The following CAMKMT variants were observed in gnomAD, a reference collection of about 807,000 sequenced individuals.
CAMKMT encodes CaM KMT.
A neutral mutation model predicts 48.0 loss-of-function variants in CAMKMT; 53 were observed. The ratio of observed to expected loss-of-function variants is 1.10; its 90% CI spans 0.89 to 1.39. The LOEUF (loss-of-function observed/expected upper bound fraction) is 1.39, where lower values mean the gene tolerates loss of function less well. Among genes scored for constraint, CAMKMT ranks in the 40% most tolerant of loss-of-function variants. The probability of loss-of-function intolerance (pLI) is 0.00; values close to 1 mark genes in which losing one functional copy is unlikely to be tolerated. For missense variants in CAMKMT, 428 were observed against 402.7 expected (o/e 1.06, Z -0.54); for synonymous variants, 165 against 152.3 (o/e 1.08, Z -0.61).
intron 3 of CAMKMT, among the ~76,000 whole-genome samples, chr2:44,586,126 G>A (rs1039726626): frequency 6.6e-6 from 1 of 152,188 alleles, no homozygotes; most frequent in Non-Finnish European, 1.5e-5. Flanking sequence ...ATTCTGTTTG[G>A]AAACAGAATA....
Position 44,584,768 on chromosome 2 carries a change from T to C in CAMKMT, c.377-119515T>C, listed in dbSNP as rs561111522. On this transcript the variant is annotated intron_variant, in intron 3 of 10. Transcript: ENST00000378494. ...GTCTGCATGAAATAATTAAAAAAAA[T>C]AGTAGGCCGGGTGCGGTGGCTCACA... Among the ~76,000 whole-genome samples, 20 of 152,020 alleles carry C rather than the reference T, an allele frequency of 1.3e-4. No individual in the cohort carries two copies. In the East Asian group the frequency reaches 2.9e-3, roughly 22 times the overall value.
intron 3 of CAMKMT, among the ~76,000 whole-genome samples, chr2:44,702,034 A>T (rs918876453): frequency 1.3e-5 from 2 of 152,024 alleles, no homozygotes; most frequent in African/African-American, 4.8e-5. Context: ...ATTTTTTGAG[A>T]CAATTATAAA....
chr2:44,600,590 C>T (rs1202561378), intron 3 of CAMKMT, among the ~76,000 whole-genome samples: 1 of 152,034 alleles, frequency 6.6e-6, no homozygotes, highest in Non-Finnish European at 1.5e-5. Flanking sequence ...TTGACAGAAA[C>T]CTTTTCTCTG....
In CAMKMT at chr2:44,772,572, T is replaced by C. The variant is rs1681161892; in HGVS notation, c.*459T>C. On this transcript the variant is annotated 3_prime_UTR_variant, in exon 11 of 11. Transcript: ENST00000378494. ...CCTGGTTAGAAAAATAAATAAAGTG[T>C]ATCTTTTTATCTCCCTCCAATTAAT... 1 of 152,864 alleles carries C rather than the reference T, an allele frequency of 6.5e-6. No individual in the cohort carries two copies. Among genetic ancestry groups the C allele is most frequent in the Non-Finnish European group, 1.5e-5 (1 of 68,770 alleles). 9.5% of individuals were successfully genotyped at this position (152,864 alleles called of 1,614,324 possible).
intron 3 of CAMKMT, among the ~76,000 whole-genome samples, chr2:44,489,701 A>G (rs1240356326): frequency 6.6e-6 from 1 of 152,226 alleles, no homozygotes; most frequent in Admixed American, 6.5e-5. Flanking sequence ...TTATGCTTTG[A>G]AAACTTTAAC....
chr2:44,588,441 CCTG>C, intron 3 of CAMKMT, among the ~76,000 whole-genome samples: 2 of 1,880 alleles, frequency 1.1e-3, no homozygotes, highest in Non-Finnish European at 2.1e-3. Context: ...GGGTCAGGCC[CCTG>C]CCCGGCCAGC....
intron 3 of CAMKMT, among the ~76,000 whole-genome samples, chr2:44,391,640 T>C (rs115706444): frequency 6.6e-6 from 1 of 152,134 alleles, no homozygotes; most frequent in Admixed American, 6.5e-5. Flanking sequence ...GATTCAGTAA[T>C]GTAAAAGTCA....
intron 3 of CAMKMT, among the ~76,000 whole-genome samples, chr2:44,402,396 C>T (rs1682462886): frequency 6.7e-6 from 1 of 149,566 alleles, no homozygotes; most frequent in African/African-American, 2.4e-5. Flanking sequence ...AGTAATGTGT[C>T]ATAGCTTCTA....
chr2:44,684,828 G>A (rs1451375122), intron 3 of CAMKMT, among the ~76,000 whole-genome samples: 1 of 152,142 alleles, frequency 6.6e-6, no homozygotes, highest in African/African-American at 2.4e-5. Context: ...TGTGGATATA[G>A]ATAAGAAAGT....
chr2:44,624,088 A>G (rs1454461857), intron 3 of CAMKMT, among the ~76,000 whole-genome samples: 2 of 152,184 alleles, frequency 1.3e-5, no homozygotes, highest in Non-Finnish European at 2.9e-5. Flanking sequence ...GTGGGACCTA[A>G]GTAAACTAAA....
chr2:44,377,615 A>T (rs1279200879), intron 2 of CAMKMT, among the ~76,000 whole-genome samples: 1 of 152,172 alleles, frequency 6.6e-6, no homozygotes. Context: ...TTATAAGTGT[A>T]TACGTGTCTT....
intron 3 of CAMKMT, among the ~76,000 whole-genome samples, chr2:44,416,600 G>A (rs901704363): frequency 5.2e-5 from 6 of 115,362 alleles, no homozygotes; most frequent in African/African-American, 6.6e-5. Context: ...TTGAGATGGA[G>A]TCTTGCTCTG....
intron 6 of CAMKMT, among the ~76,000 whole-genome samples, chr2:44,708,454 T>C (rs1381087331): frequency 6.6e-6 from 1 of 151,962 alleles, no homozygotes; most frequent in Non-Finnish European, 1.5e-5. Context: ...CAGTAGCTAA[T>C]ATTGTTCAGT....
chr2:44,772,082 C>T lies in CAMKMT; in HGVS notation c.941C>T (p.Pro314Leu), dbSNP rs753315389. The change falls in exon 11 of 11, where the codon CCG (proline) becomes CTG (leucine). Residue 314 changes from proline (P) to leucine (L), a missense_variant. Coordinates refer to ENST00000378494, the MANE Select transcript of CAMKMT (RefSeq NM_024766.5). ...ATATATGAAGAAAACCTTCATTACC[C>T]GCTTCTGCTTATTTTGACCAAACAT... Reference protein sequence around the residue: ...PDIYEENLHYPLLLILTKHG With the variant: ...PDIYEENLHYLLLLILTKHG 4.3e-6 allele frequency: 7 copies of T among 1,613,654 alleles called. No individual in the cohort carries two copies. Among genetic ancestry groups the T allele is most frequent in the East Asian group, 2.2e-5 (1 of 44,890 alleles).
At chr2:44,661,802 A>C (rs1426815675) in intron 3 of CAMKMT, among the ~76,000 whole-genome samples, 1 of 152,212 alleles carries the variant, frequency 6.6e-6, no homozygotes, top group Non-Finnish European at 1.5e-5. Context: ...AAGTAGTCTT[A>C]GTAGACACAA....
At chr2:44,455,582 A>C (rs1464807183) in intron 3 of CAMKMT, among the ~76,000 whole-genome samples, 2 of 152,186 alleles carry the variant, frequency 1.3e-5, no homozygotes, top group Non-Finnish European at 2.9e-5. Flanking sequence ...GAGAGTCAAA[A>C]TTGTTTGCTG....
chr2:44,738,750 T>C (rs1006455773), intron 7 of CAMKMT, among the ~76,000 whole-genome samples: 2 of 152,166 alleles, frequency 1.3e-5, no homozygotes, highest in African/African-American at 4.8e-5. Context: ...TAATAGCTGC[T>C]ACAGAAAAAT....
At chr2:44,465,186 G>A (rs949786755) in intron 3 of CAMKMT, among the ~76,000 whole-genome samples, 1 of 152,118 alleles carries the variant, frequency 6.6e-6, no homozygotes, top group African/African-American at 2.4e-5. Flanking sequence ...TAAGTTATCA[G>A]TTTAAAAGAG....
chr2:44,667,897 C>G (rs551291326), intron 3 of CAMKMT, among the ~76,000 whole-genome samples: 4 of 152,284 alleles, frequency 2.6e-5, no homozygotes, highest in Admixed American at 6.5e-5. Context: ...TATCTTCTTC[C>G]CTATTTAGGT....
Sources: allele counts gnomAD v4.1 joint callset (sites outside exome capture counted in the v4.1 genomes callset), GRCh38; gene constraint gnomAD v4.1.1; transcripts MANE v1.5; gene names NCBI Gene and HGNC (gene_info 2026-07-23, HGNC 2026-07-21).